The following ASAP3 variants were observed in gnomAD, a reference collection of about 807,000 sequenced individuals.
ASAP3 encodes the protein arf-GAP with SH3 domain, ANK repeat and PH domain-containing protein 3.
A neutral mutation model predicts 118.2 loss-of-function variants in ASAP3; 85 were observed. The observed-to-expected ratio is 0.72, with a 90% CI of 0.60 to 0.86. ASAP3 has a LOEUF of 0.86. Ranked by LOEUF, ASAP3 falls within the 40% of genes least tolerant of loss-of-function variation. ASAP3 has a pLI of 0.00. For missense variants in ASAP3, 1,026 were observed against 1,175.0 expected (o/e 0.87, Z 1.85); for synonymous variants, 432 against 477.4 (o/e 0.90, Z 1.24).
intron 1 of ASAP3, 115 bp from the exon 2 acceptor site, chr1:23,456,309 G>T: frequency 2.1e-6 from 2 of 958,160 alleles, no homozygotes; most frequent in Non-Finnish European, 3.2e-6. Flanking sequence ...CAAATACATT[G>T]AGTTTTGCTG....
rs910897098 is a variant in ASAP3, at chr1:23,429,767, C to T, written c.*89G>A. The T allele has an allele frequency of 9.7e-6, 13 of 1,335,564 alleles. No individual in the cohort carries two copies. The highest frequency in any genetic ancestry group is 2.3e-4 in the Middle Eastern group (1 of 4,266). The allele number at this position is 1,335,564 out of a possible 1,614,324, so 82.7% of individuals were successfully genotyped here. On this transcript the variant is annotated 3_prime_UTR_variant, in exon 25 of 25. Coordinates refer to ENST00000336689, the MANE Select transcript of ASAP3 (RefSeq NM_017707.4). Reference sequence around the variant, plus strand: ...ACAGAGAGAGTGAGATCCAAGAGAACAAATGTCTCAGCTCCCCAGTTTTGT... The same window carrying T: ...ACAGAGAGAGTGAGATCCAAGAGAATAAATGTCTCAGCTCCCCAGTTTTGT...
chr1:23,467,010 G>C (rs1019674850), intron 1 of ASAP3, among the ~76,000 whole-genome samples: 1 of 151,980 alleles, frequency 6.6e-6, no homozygotes, highest in African/African-American at 2.4e-5. Flanking sequence ...TGGGATTACA[G>C]GCATGCGCCA....
intron 1 of ASAP3, among the ~76,000 whole-genome samples, chr1:23,471,482 ATG>A (rs1230854477): frequency 6.6e-6 from 1 of 152,180 alleles, no homozygotes; most frequent in Non-Finnish European, 1.5e-5. Context: ...AAAACTCAGG[ATG>A]TGGGTGTTAA....
At position 23,428,621 on chromosome 1, in the gene ASAP3, A is replaced by C. The variant is rs1640316957; in HGVS notation, c.*1235T>G. On this transcript the variant is annotated 3_prime_UTR_variant, in exon 25 of 25. Coordinates refer to ENST00000336689, the MANE Select transcript of ASAP3 (RefSeq NM_017707.4). ...GAAATAACAAGTCTGAGATGAATGA[A>C]ACCAGACACTGGGGGCTCAAAAGAC... is the stretch of plus-strand genomic sequence containing the variant. 1 of 152,334 alleles carries C rather than the reference A, an allele frequency of 6.6e-6. No individual in the cohort carries two copies. The highest frequency in any genetic ancestry group is 1.5e-5 in the Non-Finnish European group (1 of 68,094). 9.4% of individuals were successfully genotyped at this position (152,334 alleles called of 1,614,324 possible).
rs1037525431 is a variant in ASAP3, at chr1:23,439,079, G to C, written c.1014+82C>G. ...TAGGTTTGGGGGCCAGTCTTAGAGG[G>C]AGGGCTTGACATTATTTGCTCAGAA... On this transcript the variant is annotated intron_variant, in intron 11 of 24. Coordinates refer to ENST00000336689, the MANE Select transcript of ASAP3 (RefSeq NM_017707.4). 2.6e-6 allele frequency: 4 copies of C among 1,542,950 alleles called. No homozygotes were observed. In the Admixed American group the frequency reaches 6.7e-5, roughly 26 times the overall value.
intron 1 of ASAP3, among the ~76,000 whole-genome samples, chr1:23,481,277 G>A (rs1642298118): frequency 6.6e-6 from 1 of 152,168 alleles, no homozygotes; most frequent in African/African-American, 2.4e-5. Context: ...CCAGGACAGG[G>A]TCCCTAGTTA....
intron 5 of ASAP3, among the ~76,000 whole-genome samples, chr1:23,446,141 G>C (rs1167037238): frequency 6.6e-6 from 1 of 152,148 alleles, no homozygotes; most frequent in African/African-American, 2.4e-5. Context: ...TGGATAATGA[G>C]GGATGACTGT....
At chr1:23,461,757 A>G (rs1486416396) in intron 1 of ASAP3, among the ~76,000 whole-genome samples, 2 of 152,006 alleles carry the variant, frequency 1.3e-5, no homozygotes, top group African/African-American at 2.4e-5. Context: ...TGTGCTGGCG[A>G]TGTCTAGAGC....
intron 2 of ASAP3, 24 bp downstream of exon 2, chr1:23,456,098 G>A (rs1023071530): frequency 5.6e-6 from 9 of 1,613,916 alleles, no homozygotes; most frequent in African/African-American, 1.3e-5. Flanking sequence ...CTGACCAGGC[G>A]GGGCACCCAG....
chr1:23,475,075 C>G (rs1227318071), intron 1 of ASAP3, among the ~76,000 whole-genome samples: 1 of 152,218 alleles, frequency 6.6e-6, no homozygotes, highest in Non-Finnish European at 1.5e-5. Context: ...CTGGGGACTT[C>G]CTCACTGCAC....
intron 24 of ASAP3, among the ~76,000 whole-genome samples, chr1:23,430,807 C>G (rs1047034063): frequency 6.6e-6 from 1 of 152,282 alleles, no homozygotes; most frequent in African/African-American, 2.4e-5. Flanking sequence ...CACCTGGGCA[C>G]CAGGACAGGG....
intron 5 of ASAP3, among the ~76,000 whole-genome samples, chr1:23,444,314 C>T (rs1324731210): frequency 6.6e-6 from 1 of 152,140 alleles, no homozygotes; most frequent in Non-Finnish European, 1.5e-5. Flanking sequence ...GGAAATCCCA[C>T]GCCCAGCAGA....
At chr1:23,460,245 G>A (rs1006452828) in intron 1 of ASAP3, among the ~76,000 whole-genome samples, 1 of 152,058 alleles carries the variant, frequency 6.6e-6, no homozygotes, top group Non-Finnish European at 1.5e-5. Flanking sequence ...GGTGGTTCAC[G>A]CCTATAATCC....
In ASAP3 at chr1:23,436,312, GC is replaced by G. The variant is rs1640651727; in HGVS notation, c.1571+247del. Among the ~76,000 whole-genome samples, 1 of 152,226 alleles carries G rather than the reference GC, an allele frequency of 6.6e-6. No homozygotes were observed. Among genetic ancestry groups the G allele is most frequent in the South Asian group, 2.1e-4 (1 of 4,830 alleles). On this transcript the variant is annotated intron_variant, in intron 16 of 24. Transcript: ENST00000336689. This position sits in a 1 kb window ranked among gnomAD's most constrained non-coding sequence, Gnocchi z 4.2. ...TGAGTAGCTGGAATTACAGGCGTGT[GC>G]CACCACGCCCAGCTAATTCTTGTAT...
chr1:23,483,575 G>A (rs966699996), intron 1 of ASAP3, among the ~76,000 whole-genome samples: 1 of 152,154 alleles, frequency 6.6e-6, no homozygotes. Context: ...GCAAGCGGGA[G>A]GGGGCCTCTC....
At chr1:23,456,069 G>C (rs1459358595) in intron 2 of ASAP3, 43 bp from the exon 3 acceptor site, 1 of 1,614,036 alleles carries the variant, frequency 6.2e-7, no homozygotes, top group South Asian at 1.1e-5. Flanking sequence ...CTCCAGGCTG[G>C]GGCTGGGAGA....
At chr1:23,430,943 A>C (rs1640405236) in intron 24 of ASAP3, 92 bp downstream of exon 24, 1 of 1,173,916 alleles carries the variant, frequency 8.5e-7, no homozygotes, top group African/African-American at 1.6e-5. Context: ...AACCATGGGG[A>C]GGTCTCCCAC....
At chr1:23,464,353 A>G (rs1641692016) in intron 1 of ASAP3, among the ~76,000 whole-genome samples, 1 of 151,552 alleles carries the variant, frequency 6.6e-6, no homozygotes, top group Non-Finnish European at 1.5e-5. Flanking sequence ...TGCCCGGCTA[A>G]TTTTTGTATT....
Position 23,433,504 on chromosome 1 carries a change from G to A in ASAP3, c.2048C>T (p.Ala683Val). ...GGAGTAGTCCACATGTAGAGGGAAGGCAAAGGTCCCCGCCTGGGCCTGCTC... is the reference window on the plus strand; with the variant it reads ...GGAGTAGTCCACATGTAGAGGGAAGACAAAGGTCCCCGCCTGGGCCTGCTC... Reference protein sequence around the residue: ...LLEQAQAGTFAFPLHVDYSWV... With the variant: ...LLEQAQAGTFVFPLHVDYSWV... Residue 683 changes from alanine (A) to valine (V), a missense_variant, in exon 21 of 25, where the codon GCC becomes GTC. Transcript: ENST00000336689. 6.2e-7 allele frequency: 1 copy of A among 1,614,172 alleles called. No homozygotes were observed. Among genetic ancestry groups the A allele is most frequent in the Non-Finnish European group, 8.5e-7 (1 of 1,180,028 alleles).
Sources: gnomAD v4.1 joint callset for allele counts (sites outside exome capture counted in the v4.1 genomes callset) on GRCh38, gnomAD v4.1.1 for gene constraint, Gnocchi (gnomAD v3.1) non-coding constraint, MANE v1.5 for transcripts, NCBI Gene and HGNC (gene_info 2026-07-23, HGNC 2026-07-21) for gene names.